The following WDR17 variants were observed in gnomAD, a reference collection of about 807,000 sequenced individuals.
The protein encoded by WDR17 is WD repeat-containing protein 17.
Under a neutral mutation model 161.7 loss-of-function variants are expected in WDR17, and 143 were observed. The ratio of observed to expected loss-of-function variants is 0.88; its 90% CI spans 0.77 to 1.02. The LOEUF (loss-of-function observed/expected upper bound fraction) is 1.02. Ranked by LOEUF, WDR17 falls within the 50% of genes least tolerant of loss-of-function variation. The probability of loss-of-function intolerance (pLI) is 0.00; values close to 1 mark genes in which losing one functional copy is unlikely to be tolerated. For missense variants in WDR17, 1,469 were observed against 1,520.9 expected, an observed-to-expected ratio of 0.97 and a Z score of 0.57; for synonymous variants, 517 against 515.6, an observed-to-expected ratio of 1.00 and a Z score of -0.04.
rs1378378516 is a variant in WDR17 at position 176,179,501 on chromosome 4, C to T, written c.3774C>T (p.Ser1258=). Reference sequence around the variant, plus strand: ...TTGAAGACGGGAAATCTGCTATCTCCTTGAATGATGCTTTGATGTGGGCAA... The same window carrying T: ...TTGAAGACGGGAAATCTGCTATCTCTTTGAATGATGCTTTGATGTGGGCAA... ...FFLEDGKSAI[S]LNDALMWAKV... is the part of the protein sequence containing the mutation. Residue 1258 remains serine, a synonymous_variant, in exon 29 of 29, where the codon TCC becomes TCT. Transcript: ENST00000508596. 6.2e-7 allele frequency: 1 copy of T among 1,607,160 alleles called. No homozygotes were observed. The highest frequency in any genetic ancestry group is 2.2e-5 in the East Asian group (1 of 44,522).
At chr4:176,160,281 A>AACAT (rs1748835062) in intron 19 of WDR17, among the ~76,000 whole-genome samples, 155 bp downstream of exon 19, 1 of 152,148 alleles carries the variant, frequency 6.6e-6, no homozygotes, top group Admixed American at 6.6e-5. Flanking sequence ...AACATTTGAG[A>AACAT]ACATACTATT....
intron 19 of WDR17, 30 bp downstream of exon 19, chr4:176,160,156 A>G: frequency 1.2e-6 from 2 of 1,610,240 alleles, no homozygotes; most frequent in Non-Finnish European, 1.7e-6. Context: ...CCAGTCACAT[A>G]CATGAATGCT....
chr4:176,147,526 T>C (rs1298701676), intron 12 of WDR17, among the ~76,000 whole-genome samples: 1 of 152,162 alleles, frequency 6.6e-6, no homozygotes, highest in Non-Finnish European at 1.5e-5. Context: ...GCTGTATTGA[T>C]TAAAGCATAA....
At chr4:176,111,794 C>T in intron 2 of WDR17, 91 bp downstream of exon 2, 1 of 1,140,170 alleles carries the variant, frequency 8.8e-7, no homozygotes, top group Middle Eastern at 3.3e-4. Flanking sequence ...ACATGAAAAA[C>T]ATAATGCTAT....
At chr4:176,069,939 T>A (rs1733011543) in intron 1 of WDR17, among the ~76,000 whole-genome samples, 1 of 152,210 alleles carries the variant, frequency 6.6e-6, no homozygotes, top group Non-Finnish European at 1.5e-5. Flanking sequence ...TATGGATGAC[T>A]TTTAATGAAA....
chr4:176,151,505 T>C (rs1182528898), intron 16 of WDR17, among the ~76,000 whole-genome samples: 1 of 152,242 alleles, frequency 6.6e-6, no homozygotes, highest in Non-Finnish European at 1.5e-5. Flanking sequence ...TATGTATTCA[T>C]GTAAAGTTTA....
At position 176,162,182 on chromosome 4, in the gene WDR17, A is replaced by G. The variant is rs12646277; in HGVS notation, c.2850+8A>G. 266,423 of 1,608,274 alleles carry G rather than the reference A, an allele frequency of 0.17. 24,500 individuals carry two copies. Among genetic ancestry groups the G allele is most frequent in the Non-Finnish European group, 0.19 (221,072 of 1,177,078 alleles). On this transcript the variant is annotated splice_region_variant and intron_variant, in intron 21 of 28. Transcript: ENST00000508596. ...GCCATAGATAATATTGAGGTACGAC[A>G]TTTAAAACTGGTTTATGTGAATGAA...
At chr4:176,168,191 T>G in intron 22 of WDR17, among the ~76,000 whole-genome samples, 1 of 152,104 alleles carries the variant, frequency 6.6e-6, no homozygotes, top group Non-Finnish European at 1.5e-5. Context: ...ATCTTTAATT[T>G]CCACTTATCA....
chr4:176,067,133 G>A (rs1056245302), intron 1 of WDR17, among the ~76,000 whole-genome samples: 8 of 152,156 alleles, frequency 5.3e-5, no homozygotes, highest in Non-Finnish European at 8.8e-5. Context: ...ATCCTTTTGA[G>A]ATTCTGCCTC....
At chr4:176,145,174 T>A (rs1323748821) in intron 11 of WDR17, among the ~76,000 whole-genome samples, 1 of 152,208 alleles carries the variant, frequency 6.6e-6, no homozygotes, top group Non-Finnish European at 1.5e-5. Context: ...GTGGAGACTG[T>A]TTATAATGAT....
Position 176,160,907 on chromosome 4 carries a change from C to A in WDR17, c.2659-4C>A. ...GAATAATTCAACATTTAATTAAATT[C>A]TAGGCTGCTTGTGAAGGAAATATGC... On this transcript the variant is annotated splice_region_variant and splice_polypyrimidine_tract_variant and intron_variant, in intron 19 of 28. Coordinates refer to ENST00000508596, the MANE Select transcript of WDR17 (RefSeq NM_181265.4). The A allele has an allele frequency of 3.2e-6, 5 of 1,586,712 alleles. No homozygotes were observed. In the South Asian group the frequency reaches 6.0e-5, roughly 19 times the overall value.
intron 25 of WDR17, 142 bp downstream of exon 25, chr4:176,173,511 TTATATA>T: frequency 1.8e-6 from 1 of 555,936 alleles, no homozygotes; most frequent in African/African-American, 2.0e-5. Flanking sequence ...TTTTTGTTTG[TTATATA>T]TTTTTTTTCT....
intron 1 of WDR17, among the ~76,000 whole-genome samples, chr4:176,101,086 T>C (rs1485670889): frequency 6.6e-6 from 1 of 152,194 alleles, no homozygotes; most frequent in African/African-American, 2.4e-5. Flanking sequence ...TTTGGTTCTA[T>C]ATGAATTTTA....
In WDR17 at chr4:176,179,738, AAT is replaced by A. The variant is rs148615406; in HGVS notation, c.*175_*176del. On this transcript the variant is annotated 3_prime_UTR_variant, in exon 29 of 29. Transcript: ENST00000508596. ...AGTGAATTTTAGTCATTAACTTCAA[AAT>A]ATATATATATATATAATTTAAAGGA... is the stretch of plus-strand genomic sequence containing the variant. 0.051 allele frequency: 16,246 copies of A among 318,288 alleles called. No individual in the cohort carries two copies. Among genetic ancestry groups the A allele is most frequent in the East Asian group, 0.074 (1,112 of 14,938 alleles). The allele number at this position is 318,288 out of a possible 1,614,324, so 19.7% of individuals were successfully genotyped here.
intron 1 of WDR17, among the ~76,000 whole-genome samples, chr4:176,081,084 G>C (rs1299690260): frequency 6.6e-6 from 1 of 152,108 alleles, no homozygotes; most frequent in African/African-American, 2.4e-5. Flanking sequence ...CTTGCTGCCA[G>C]TTAATTAGTT....
intron 1 of WDR17, among the ~76,000 whole-genome samples, chr4:176,101,118 A>G (rs1737757419): frequency 6.6e-6 from 1 of 152,100 alleles, no homozygotes; most frequent in Non-Finnish European, 1.5e-5. Flanking sequence ...TTCTGTTCTT[A>G]AAACCTACCC....
chr4:176,178,792 A>G (rs1451417513), intron 28 of WDR17, among the ~76,000 whole-genome samples: 2 of 152,194 alleles, frequency 1.3e-5, no homozygotes, highest in Non-Finnish European at 2.9e-5. Flanking sequence ...CAGCTTTAGA[A>G]CCTAATTAAG....
chr4:176,131,805 T>A, intron 7 of WDR17, 67 bp downstream of exon 7: 1 of 1,193,648 alleles, frequency 8.4e-7, no homozygotes, highest in Non-Finnish European at 1.1e-6. Flanking sequence ...TCTTTACTTT[T>A]ACCTGTCTGA....
intron 6 of WDR17, 41 bp downstream of exon 6, chr4:176,128,901 A>G (rs1414427809): frequency 2.7e-6 from 4 of 1,468,278 alleles, no homozygotes; most frequent in Non-Finnish European, 2.7e-6. Flanking sequence ...TTTAAAAAAT[A>G]TTGTGTTTTC....
Sources: gnomAD v4.1 joint callset for allele counts (sites outside exome capture counted in the v4.1 genomes callset) on GRCh38, gnomAD v4.1.1 for gene constraint, MANE v1.5 for transcripts, NCBI Gene and HGNC (gene_info 2026-07-23, HGNC 2026-07-21) for gene names.